Variants in PRDM16 observed in about 807,000 individuals in gnomAD.
PRDM16 encodes histone-lysine N-methyltransferase PRDM16.
In PRDM16, 23 loss-of-function variants were observed where a neutral mutation model predicts 110.6. That is an observed-to-expected ratio of 0.21 (90% CI 0.15 to 0.29). PRDM16 has a LOEUF of 0.29. Ranked by LOEUF, PRDM16 falls within the 10% of genes least tolerant of loss-of-function variation. The probability of loss-of-function intolerance (pLI) is 1.00; values close to 1 mark genes in which losing one functional copy is unlikely to be tolerated. For missense variants in PRDM16, 1,615 were observed against 1,794.3 expected, an observed-to-expected ratio of 0.90 and a Z score of 1.81; for synonymous variants, 799 against 781.8, an observed-to-expected ratio of 1.02 and a Z score of -0.37.
chr1:3,430,981 G>A lies in PRDM16; in HGVS notation c.3394G>A (p.Asp1132Asn). 1.2e-6 allele frequency: 2 copies of A among 1,609,524 alleles called. No individual in the cohort carries two copies. Among genetic ancestry groups the A allele is most frequent in the Non-Finnish European group, 1.7e-6 (2 of 1,177,828 alleles). ...CGATGACCTGGAGGAGGACGATGAG[G>A]ACAGCCTGGCCGGGAAGTCGCAGGA... ...DDDDLEEDDEDSLAGKSQDDT... is the reference protein window; with the variant it reads ...DDDDLEEDDENSLAGKSQDDT... Residue 1132 changes from aspartate (D) to asparagine (N), a missense_variant, in exon 15 of 17, where the codon GAC becomes AAC. Asp to Asn is a conservative substitution (Grantham distance 23, BLOSUM62 1). Coordinates refer to ENST00000270722, the MANE Select transcript of PRDM16 (RefSeq NM_022114.4).
At chr1:3,335,613 A>G (rs879842730) in intron 3 of PRDM16, among the ~76,000 whole-genome samples, 126 of 150,790 alleles carry the variant, frequency 8.4e-4, no homozygotes, top group Middle Eastern at 3.4e-3. Flanking sequence ...ACACACACAC[A>G]CACACACACA....
At chr1:3,396,323 T>A in intron 4 of PRDM16, 168 bp from the exon 5 acceptor site, 1 of 690,602 alleles carries the variant, frequency 1.4e-6, no homozygotes, top group Non-Finnish European at 2.7e-6. Context: ...CAATTCCTTC[T>A]GCGCATACTC....
chr1:3,313,552 C>A (rs1006349835), intron 3 of PRDM16, among the ~76,000 whole-genome samples: 1 of 152,232 alleles, frequency 6.6e-6, no homozygotes, highest in Non-Finnish European at 1.5e-5. Context: ...AAACTTGTAT[C>A]CAAAATTTGA....
At chr1:3,282,341 T>C (rs1640726640) in intron 3 of PRDM16, among the ~76,000 whole-genome samples, 1 of 152,186 alleles carries the variant, frequency 6.6e-6, no homozygotes, top group Non-Finnish European at 1.5e-5. Context: ...GAGTGGGGGC[T>C]CTGGGCTCCT....
At chr1:3,376,636 G>A (rs528964943) in intron 3 of PRDM16, among the ~76,000 whole-genome samples, 1 of 152,260 alleles carries the variant, frequency 6.6e-6, no homozygotes, top group Non-Finnish European at 1.5e-5. Context: ...TGCGAGTTTA[G>A]GAGAGAGGCT....
intron 3 of PRDM16, among the ~76,000 whole-genome samples, chr1:3,378,081 G>A (rs746880990): frequency 3.3e-5 from 5 of 152,188 alleles, no homozygotes; most frequent in Non-Finnish European, 5.9e-5. Flanking sequence ...TAGGGCAGGC[G>A]GAGACATCGC....
intron 3 of PRDM16, among the ~76,000 whole-genome samples, chr1:3,334,035 A>G (rs1642096235): frequency 6.6e-6 from 1 of 152,174 alleles, no homozygotes; most frequent in East Asian, 1.9e-4. Flanking sequence ...AGTAATGCAA[A>G]ACGGCATAAC....
At chr1:3,187,333 G>A (rs894078552) in intron 2 of PRDM16, among the ~76,000 whole-genome samples, 1 of 152,226 alleles carries the variant, frequency 6.6e-6, no homozygotes, top group Non-Finnish European at 1.5e-5. Context: ...GGGAACACCA[G>A]TCGGATTCCC....
intron 3 of PRDM16, among the ~76,000 whole-genome samples, chr1:3,344,646 T>G (rs1319643708): frequency 6.6e-6 from 1 of 152,238 alleles, no homozygotes; most frequent in Non-Finnish European, 1.5e-5. Context: ...AACTCTGGAT[T>G]CTGTTGTATT....
chr1:3,109,255 C>T (rs1642733312), intron 1 of PRDM16, among the ~76,000 whole-genome samples: 1 of 152,142 alleles, frequency 6.6e-6, no homozygotes, highest in Admixed American at 6.5e-5. Context: ...CCACGTTTTG[C>T]AGGTGGGTGG....
At chr1:3,277,332 G>A (rs565627102) in intron 3 of PRDM16, among the ~76,000 whole-genome samples, 75 of 152,312 alleles carry the variant, frequency 4.9e-4, no homozygotes, top group Middle Eastern at 6.8e-3. Context: ...TCCCTGTGGC[G>A]CACTGGCATC....
intron 2 of PRDM16, among the ~76,000 whole-genome samples, chr1:3,220,132 G>A (rs577225770): frequency 1.3e-5 from 2 of 152,138 alleles, no homozygotes; most frequent in Admixed American, 6.5e-5. Flanking sequence ...CATTCATTCC[G>A]TGCCCACACG....
chr1:3,147,742 A>T (rs914541607), intron 1 of PRDM16, among the ~76,000 whole-genome samples: 1 of 152,148 alleles, frequency 6.6e-6, no homozygotes, highest in Non-Finnish European at 1.5e-5. Flanking sequence ...GGCCTCAGTC[A>T]GGCCACCTCC....
At chr1:3,388,344 CACCTCTAAT>C (rs1215922808) in intron 4 of PRDM16, among the ~76,000 whole-genome samples, 1 of 152,174 alleles carries the variant, frequency 6.6e-6, no homozygotes, top group Non-Finnish European at 1.5e-5. Flanking sequence ...CACACACCCC[CACCTCTAAT>C]ACAGCACAGA....
chr1:3,230,637 C>G (rs536255352), intron 2 of PRDM16, among the ~76,000 whole-genome samples: 1 of 152,230 alleles, frequency 6.6e-6, no homozygotes, highest in Admixed American at 6.5e-5. Flanking sequence ...CACCTTTCCC[C>G]GTGGGAGGCT....
chr1:3,235,899 G>C (rs1371968273), intron 2 of PRDM16, among the ~76,000 whole-genome samples: 2 of 152,218 alleles, frequency 1.3e-5, no homozygotes, highest in Admixed American at 6.5e-5. Flanking sequence ...CGAGCATGGC[G>C]GGGGAGTGGG....
At chr1:3,285,253 C>T (rs1344545707) in intron 3 of PRDM16, among the ~76,000 whole-genome samples, 6 of 152,160 alleles carry the variant, frequency 3.9e-5, no homozygotes, top group East Asian at 1.9e-4. Context: ...GCCCCAGCCC[C>T]GTGGAGGCCC....
chr1:3,132,562 C>T (rs1423074775), intron 1 of PRDM16, among the ~76,000 whole-genome samples: 2 of 152,152 alleles, frequency 1.3e-5, no homozygotes, highest in Non-Finnish European at 2.9e-5. Context: ...ATGGCTCTCC[C>T]CTCCACCCCC....
intron 1 of PRDM16, among the ~76,000 whole-genome samples, chr1:3,140,369 C>T (rs1314080942): frequency 1.3e-5 from 2 of 152,088 alleles, no homozygotes; most frequent in African/African-American, 2.4e-5. Context: ...TCACATAGGG[C>T]CCCCAACTCA....
Sources: allele counts gnomAD v4.1 joint callset (sites outside exome capture counted in the v4.1 genomes callset), GRCh38; gene constraint gnomAD v4.1.1; transcripts MANE v1.5; gene names NCBI Gene and HGNC (gene_info 2026-07-23, HGNC 2026-07-21).